KIF9: variants seen among roughly 807,000 people sequenced by gnomAD.
KIF9 encodes kinesin-like protein KIF9.
Under a neutral mutation model 94.8 loss-of-function variants are expected in KIF9, and 68 were observed. That is an observed-to-expected ratio of 0.72 (90% CI 0.59 to 0.88). KIF9 has a LOEUF of 0.88. KIF9 is among the 40% of genes least tolerant of loss of function. KIF9 has a pLI of 0.00. For missense variants in KIF9, 882 were observed against 982.5 expected (o/e 0.90, Z 1.37); for synonymous variants, 343 against 362.1 (o/e 0.95, Z 0.60).
At chr3:47,234,133 C>T (rs1698830645) in intron 20 of KIF9, among the ~76,000 whole-genome samples, 1 of 151,842 alleles carries the variant, frequency 6.6e-6, no homozygotes, top group Non-Finnish European at 1.5e-5. Context: ...ACACTAGAAA[C>T]AAGTGATGGG....
rs1383740808 is a variant in KIF9, at chr3:47,242,302, A to T, written c.1709+749T>A. On this transcript the variant is annotated intron_variant, in intron 16 of 20. Coordinates refer to ENST00000684063, the MANE Select transcript of KIF9 (RefSeq NM_182902.4). ...GAGAACTCTGGTTAATGAGTGTAAG[A>T]TGAAGTGTTGGGGTAAGGGGAATTG... is the stretch of plus-strand genomic sequence containing the variant. Among the ~76,000 whole-genome samples, 4 of 152,202 alleles carry T rather than the reference A, an allele frequency of 2.6e-5. No homozygotes were observed. In the East Asian group the frequency reaches 7.7e-4, roughly 29 times the overall value.
intron 16 of KIF9, among the ~76,000 whole-genome samples, chr3:47,242,624 A>G (rs115292115): frequency 0.011 from 1,665 of 152,320 alleles, 38 homozygotes; most frequent in African/African-American, 0.037. Context: ...ATAAATGATG[A>G]AATAAACATC....
intron 7 of KIF9, among the ~76,000 whole-genome samples, chr3:47,266,387 T>C (rs1034241778): frequency 3.3e-5 from 5 of 152,248 alleles, no homozygotes; most frequent in Non-Finnish European, 5.9e-5. Flanking sequence ...CTCACACTTG[T>C]AATCCCAGCA....
At chr3:47,282,089 G>T in intron 1 of KIF9, 1 of 557,894 alleles carries the variant, frequency 1.8e-6, no homozygotes, top group Non-Finnish European at 2.3e-6. Flanking sequence ...GAGCCTGGGC[G>T]GCAGTGGGCT....
chr3:47,263,850 G>T (rs1352447166), intron 9 of KIF9: 2 of 456,854 alleles, frequency 4.4e-6, no homozygotes, highest in Non-Finnish European at 8.8e-6. Context: ...CACATGGCAG[G>T]TGCTTAATAC....
intron 18 of KIF9, 103 bp from the exon 19 acceptor site, chr3:47,236,252 T>A: frequency 9.6e-7 from 1 of 1,038,664 alleles, no homozygotes; most frequent in South Asian, 1.4e-5. Flanking sequence ...CACTTCCTGC[T>A]CCAAGGTCTT....
In KIF9 at chr3:47,245,529, G is replaced by C. The variant is rs1699865115; in HGVS notation, c.1290-18C>G. 4 of 1,595,998 alleles carry C rather than the reference G, an allele frequency of 2.5e-6. No homozygotes were observed. Among genetic ancestry groups the C allele is most frequent in the Non-Finnish European group, 3.4e-6 (4 of 1,164,274 alleles). ...CCTGTTGGCTTGGGAGACAGCAAGA[G>C]AGAACAGCTTGTACCTGGGGCCATG... On this transcript the variant is annotated intron_variant, in intron 13 of 20. Coordinates refer to ENST00000684063, the MANE Select transcript of KIF9 (RefSeq NM_182902.4).
At chr3:47,274,048 G>C (rs114688092) in intron 3 of KIF9, among the ~76,000 whole-genome samples, 1,680 of 152,280 alleles carry the variant, frequency 0.011, 14 homozygotes, top group Middle Eastern at 0.031. Flanking sequence ...GAACTGCCAG[G>C]GTCTCAGGGT....
chr3:47,282,439 G>C, intron 1 of KIF9, 56 bp downstream of exon 1: 5 of 986,246 alleles, frequency 5.1e-6, no homozygotes, highest in Non-Finnish European at 6.0e-6. Flanking sequence ...TCAGCAGTCC[G>C]GGCGCACACC....
At chr3:47,265,257 G>A (rs746935022) in intron 8 of KIF9, among the ~76,000 whole-genome samples, 1 of 152,174 alleles carries the variant, frequency 6.6e-6, no homozygotes, top group Admixed American at 6.5e-5. Flanking sequence ...GGAGGTATGA[G>A]TTGGAGCTTT....
At position 47,264,176 on chromosome 3, in the gene KIF9, T is replaced by C. The variant is rs1390004383; in HGVS notation, c.981+110A>G. 5.9e-6 allele frequency: 5 copies of C among 841,660 alleles called. No individual in the cohort carries two copies. The East Asian group carries it at 7.6e-5, about 13-fold the overall frequency. The allele number at this position is 841,660 out of a possible 1,614,324, so 52.1% of individuals were successfully genotyped here. ...GACTCACCCCTGGATCCTTCCACTC[T>C]TGACAATGTCTATGGCCACTGTGCC... On this transcript the variant is annotated intron_variant, in intron 9 of 20. Coordinates refer to ENST00000684063, the MANE Select transcript of KIF9 (RefSeq NM_182902.4).
At chr3:47,252,490 G>C (rs1700334482) in intron 10 of KIF9, among the ~76,000 whole-genome samples, 1 of 152,138 alleles carries the variant, frequency 6.6e-6, no homozygotes, top group South Asian at 2.1e-4. Flanking sequence ...CCAGCTACTT[G>C]GGAGGCTGAG....
chr3:47,276,570 A>G (rs868326443), intron 2 of KIF9, among the ~76,000 whole-genome samples: 216 of 151,688 alleles, frequency 1.4e-3, no homozygotes, highest in Middle Eastern at 6.8e-3. Flanking sequence ...AAAAAAAAAA[A>G]AAAAGAAAAG....
intron 9 of KIF9, among the ~76,000 whole-genome samples, chr3:47,258,111 C>T (rs529192738): frequency 1.2e-4 from 19 of 152,256 alleles, no homozygotes; most frequent in Middle Eastern, 3.4e-3. Context: ...GTAAGCCATA[C>T]ATGTAATTTT....
chr3:47,230,013 C>T (rs967588897), intron 20 of KIF9, among the ~76,000 whole-genome samples: 3 of 152,122 alleles, frequency 2.0e-5, no homozygotes, highest in Non-Finnish European at 2.9e-5. Context: ...GGATTACAGG[C>T]GTGAGCCACC....
chr3:47,268,198 T>C (rs1559461435), intron 5 of KIF9, among the ~76,000 whole-genome samples: 2 of 152,144 alleles, frequency 1.3e-5, no homozygotes, highest in Non-Finnish European at 2.9e-5. Context: ...AAAGGGACAG[T>C]AGGCCCTTAC....
intron 20 of KIF9, among the ~76,000 whole-genome samples, chr3:47,230,962 C>T (rs545001209): frequency 3.9e-5 from 6 of 152,252 alleles, no homozygotes; most frequent in Non-Finnish European, 7.4e-5. Flanking sequence ...CACTTACAAC[C>T]CAGGGGGCAG....
intron 14 of KIF9, 143 bp from the exon 15 acceptor site, chr3:47,245,067 A>G: frequency 8.7e-7 from 1 of 1,146,362 alleles, no homozygotes; most frequent in Non-Finnish European, 1.2e-6. Flanking sequence ...TGCCAGCCTC[A>G]GGCTGTCCCC....
chr3:47,231,037 TAA>T (rs983710975), intron 20 of KIF9, among the ~76,000 whole-genome samples: 4 of 147,826 alleles, frequency 2.7e-5, no homozygotes, highest in East Asian at 2.0e-4. Context: ...AAACTCCGTC[TAA>T]AAAAAAAAGT....
Sources: gnomAD v4.1 joint callset for allele counts (sites outside exome capture counted in the v4.1 genomes callset) on GRCh38, gnomAD v4.1.1 for gene constraint, MANE v1.5 for transcripts, NCBI Gene and HGNC (gene_info 2026-07-23, HGNC 2026-07-21) for gene names.